The following NAA60 variants were observed in gnomAD, a reference collection of about 807,000 sequenced individuals.
NAA60 encodes N-alpha-acetyltransferase 60.
NAA60 carries 8 observed loss-of-function variants against 26.1 expected under a neutral mutation model. The ratio of observed to expected loss-of-function variants is 0.31; its 90% CI spans 0.18 to 0.55. NAA60 has a LOEUF of 0.55. NAA60 is among the 20% of genes least tolerant of loss of function. NAA60 has a pLI of 0.93. For synonymous variants in NAA60, 131 were observed against 122.5 expected (o/e 1.07, Z -0.46); for missense variants, 290 against 311.3 (o/e 0.93, Z 0.51).
intron 1 of NAA60, among the ~76,000 whole-genome samples, chr16:3,445,273 T>C (rs984674379): frequency 4.6e-5 from 6 of 131,432 alleles, no homozygotes; most frequent in Admixed American, 2.9e-4. Flanking sequence ...TTTGTGCTTA[T>C]CTCTTTTTTT....
chr16:3,453,692 G>A (rs2034871883), intron 2 of NAA60, among the ~76,000 whole-genome samples: 1 of 152,128 alleles, frequency 6.6e-6, no homozygotes, highest in Non-Finnish European at 1.5e-5. Flanking sequence ...ACAGGTGTGA[G>A]CCACTGCACC....
At chr16:3,471,661 G>T (rs534915004) in intron 2 of NAA60, among the ~76,000 whole-genome samples, 1 of 152,170 alleles carries the variant, frequency 6.6e-6, no homozygotes, top group Non-Finnish European at 1.5e-5. Flanking sequence ...GGGCTGTACC[G>T]GCTGGTTTCG....
At chr16:3,446,677 C>A (rs2034570349) in intron 1 of NAA60, among the ~76,000 whole-genome samples, 1 of 148,416 alleles carries the variant, frequency 6.7e-6, no homozygotes, top group Non-Finnish European at 1.5e-5. Flanking sequence ...GTGGTGCGAT[C>A]TCTGCTCACT....
At chr16:3,454,563 G>A (rs570581603) in intron 2 of NAA60, among the ~76,000 whole-genome samples, 1 of 152,292 alleles carries the variant, frequency 6.6e-6, no homozygotes, top group South Asian at 2.1e-4. Flanking sequence ...TAAACTGAAG[G>A]AGAGAATGGT....
At chr16:3,446,618 T>TG (rs2034567304) in intron 1 of NAA60, among the ~76,000 whole-genome samples, 1 of 113,632 alleles carries the variant, frequency 8.8e-6, no homozygotes, top group Non-Finnish European at 2.0e-5. Flanking sequence ...CTTTATTATT[T>TG]GTTTTTTTTT....
At chr16:3,444,032 C>T in intron 1 of NAA60, 195 bp downstream of exon 1, 1 of 1,112,458 alleles carries the variant, frequency 9.0e-7, no homozygotes, top group Non-Finnish European at 1.2e-6. Flanking sequence ...GGCCAGGTTG[C>T]TGGACTCTGA....
At chr16:3,479,919 T>C (rs1400695590) in intron 4 of NAA60, among the ~76,000 whole-genome samples, 1 of 152,206 alleles carries the variant, frequency 6.6e-6, no homozygotes, top group East Asian at 1.9e-4. Flanking sequence ...CTGATTTGTG[T>C]TGGCGGCAGT....
chr16:3,457,393 C>G (rs537393365), intron 2 of NAA60, among the ~76,000 whole-genome samples: 84 of 152,320 alleles, frequency 5.5e-4, no homozygotes, highest in African/African-American at 1.9e-3. Context: ...GAGTTGGAGG[C>G]TGCAGTGAGC....
rs1319650202 is a variant in NAA60, at chr16:3,483,607, A to G, written c.572+10A>G. ...CTCCCTGGACGATTTTATATCCTTA[A>G]CTTCTGGGGGAGAGGGACTGTGGCT... is the stretch of plus-strand genomic sequence containing the variant. On this transcript the variant is annotated intron_variant, in intron 6 of 7. Coordinates refer to ENST00000407558, the MANE Select transcript of NAA60 (RefSeq NM_001083601.3). The G allele has an allele frequency of 6.3e-7, 1 of 1,598,858 alleles. No individual in the cohort carries two copies. Among genetic ancestry groups the G allele is most frequent in the Admixed American group, 1.7e-5 (1 of 58,984 alleles).
chr16:3,454,310 C>T (rs2034892796), intron 2 of NAA60, among the ~76,000 whole-genome samples: 1 of 152,206 alleles, frequency 6.6e-6, no homozygotes, highest in Admixed American at 6.5e-5. Context: ...TGGCTTCCCA[C>T]CACTGGGAGT....
At chr16:3,443,908 G>A (rs901159124) in intron 1 of NAA60, 71 bp downstream of exon 1, 2 of 1,472,986 alleles carry the variant, frequency 1.4e-6, no homozygotes, top group East Asian at 2.6e-5. Flanking sequence ...TTGAGAGGGC[G>A]GGGGTTCGGG....
intron 3 of NAA60, among the ~76,000 whole-genome samples, chr16:3,477,539 G>A (rs555841637): frequency 1.9e-3 from 288 of 151,522 alleles, no homozygotes; most frequent in Non-Finnish European, 2.7e-3. Context: ...AGTGGCTCAC[G>A]CCTGTAATCC....
At chr16:3,444,524 T>G (rs2034471690) in intron 1 of NAA60, among the ~76,000 whole-genome samples, 1 of 152,218 alleles carries the variant, frequency 6.6e-6, no homozygotes, top group African/African-American at 2.4e-5. Context: ...CTTATTCCAG[T>G]GCCAGGCACA....
In NAA60 at chr16:3,486,020, C is replaced by T. The variant is rs1052245948; in HGVS notation, c.*760C>T. On this transcript the variant is annotated 3_prime_UTR_variant, in exon 8 of 8. Coordinates refer to ENST00000407558, the MANE Select transcript of NAA60 (RefSeq NM_001083601.3). ...CAGCTGACCTGCTGAGGACAGGCAT[C>T]GCCGAGACTCCTTGGGTCCTCCCCG... 6 of 237,426 alleles carry T rather than the reference C, an allele frequency of 2.5e-5. No homozygotes were observed. The highest frequency in any genetic ancestry group is 2.0e-4 in the Admixed American group (4 of 19,560). 14.7% of individuals were successfully genotyped at this position (237,426 alleles called of 1,614,324 possible). A position where few individuals can be genotyped will look rare whatever the true frequency, so the allele number is the denominator to read the frequency against.
At chr16:3,449,216 A>T (rs1390873581) in intron 2 of NAA60, among the ~76,000 whole-genome samples, 1 of 152,112 alleles carries the variant, frequency 6.6e-6, no homozygotes, top group Admixed American at 6.5e-5. Context: ...CTACTAAAAA[A>T]TACAAAAATG....
chr16:3,458,171 T>C, intron 2 of NAA60: 1 of 983,174 alleles, frequency 1.0e-6, no homozygotes, highest in East Asian at 1.2e-4. Flanking sequence ...GGCCGCCGGC[T>C]CCCCCACGAG....
Position 3,482,610 on chromosome 16 carries a change from C to T in NAA60, c.337+12C>T, listed in dbSNP as rs186565474. On this transcript the variant is annotated intron_variant, in intron 5 of 7. Coordinates refer to ENST00000407558, the MANE Select transcript of NAA60 (RefSeq NM_001083601.3). ...GAAGCACGGCATAGGTAAGGGCAGC[C>T]GGGCCCGCGGCTTGGCGCCCACCCC... 1.3e-4 allele frequency: 211 copies of T among 1,580,656 alleles called. 3 individuals are homozygous for T. In the East Asian group the frequency reaches 4.1e-3, roughly 31 times the overall value.
chr16:3,457,220 C>T (rs2035036881), intron 2 of NAA60, among the ~76,000 whole-genome samples: 1 of 152,114 alleles, frequency 6.6e-6, no homozygotes, highest in African/African-American at 2.4e-5. Flanking sequence ...CCCAGGCGGG[C>T]AGATCACTTG....
intron 1 of NAA60, among the ~76,000 whole-genome samples, chr16:3,444,507 A>G (rs1325970135): frequency 6.6e-6 from 1 of 152,246 alleles, no homozygotes; most frequent in Non-Finnish European, 1.5e-5. Context: ...AAGTCTCAAC[A>G]TATTTCCTTA....
Sources: gnomAD v4.1 joint callset for allele counts (sites outside exome capture counted in the v4.1 genomes callset) on GRCh38, gnomAD v4.1.1 for gene constraint, MANE v1.5 for transcripts, NCBI Gene and HGNC (gene_info 2026-07-23, HGNC 2026-07-21) for gene names.